SQSTM1: variants seen among roughly 807,000 people sequenced by gnomAD.
SQSTM1 encodes sequestosome-1.
Under a neutral mutation model 45.1 loss-of-function variants are expected in SQSTM1, and 36 were observed. The observed-to-expected ratio is 0.80, with a 90% CI of 0.61 to 1.05. SQSTM1 has a LOEUF of 1.05. SQSTM1 is among the 50% of genes least tolerant of loss of function. The probability of loss-of-function intolerance (pLI) is 0.00; values close to 1 mark genes in which losing one functional copy is unlikely to be tolerated. For missense variants in SQSTM1, 617 were observed against 607.1 expected (o/e 1.02, Z -0.17); for synonymous variants, 290 against 244.3 (o/e 1.19, Z -1.74).
At chr5:179,831,148 C>T (rs1053910455) in intron 5 of SQSTM1, among the ~76,000 whole-genome samples, 11 of 152,208 alleles carry the variant, frequency 7.2e-5, no homozygotes, top group African/African-American at 1.2e-4. Flanking sequence ...TATTAGGAAA[C>T]GGGGGACCTA....
chr5:179,830,604 G>A (rs1041468106), intron 5 of SQSTM1, among the ~76,000 whole-genome samples: 4 of 151,730 alleles, frequency 2.6e-5, no homozygotes, highest in Non-Finnish European at 4.4e-5. Flanking sequence ...TGTCGCCCAG[G>A]CTGGAGTGCA....
Position 179,821,070 on chromosome 5 carries a change from A to C in SQSTM1, c.134A>C (p.Glu45Ala). Reference sequence around the variant, plus strand: ...GCTGCGGCGGGTCCGGGACCCTGCGAGCGGCTGCTGAGCCGGGTGGCCGCC... The same window carrying C: ...GCTGCGGCGGGTCCGGGACCCTGCGCGCGGCTGCTGAGCCGGGTGGCCGCC... ...AEAAAGPGPC[E>A]RLLSRVAALF... The change falls in exon 1 of 8, where the codon GAG becomes GCG. Residue 45 changes from glutamate to alanine, a missense_variant. Glu to Ala is a moderately radical substitution (Grantham distance 107). Coordinates refer to ENST00000389805, the MANE Select transcript of SQSTM1 (RefSeq NM_003900.5). The C allele has an allele frequency of 6.7e-7, 1 of 1,486,552 alleles. No individual in the cohort carries two copies. The highest frequency in any genetic ancestry group is 8.9e-7 in the Non-Finnish European group (1 of 1,122,232). 92.1% of individuals were successfully genotyped at this position (1,486,552 alleles called of 1,614,324 possible).
upstream of SQSTM1, chr5:179,820,857 C>A (rs1582002563): frequency 7.7e-7 from 1 of 1,303,980 alleles, no homozygotes; most frequent in Non-Finnish European, 1.0e-6. Flanking sequence ...CGAGGCGGGG[C>A]GGGGCCTCCG....
chr5:179,814,281 CAG>C (rs1490514571), upstream of SQSTM1, among the ~76,000 whole-genome samples: 1 of 152,136 alleles, frequency 6.6e-6, no homozygotes, highest in Non-Finnish European at 1.5e-5. Context: ...AATGGAGGGT[CAG>C]AGGGGTAGGG....
Position 179,836,605 on chromosome 5 carries a change from C to T in SQSTM1, c.*12C>T, listed in dbSNP as rs1434726029. ...CCCCGCCGTTGTGACCACTTTTGCC[C>T]ACCTCTTCTGCGTGCCCCTCTTCTG... On this transcript the variant is annotated 3_prime_UTR_variant, in exon 8 of 8. Transcript: ENST00000389805. 3 of 1,614,086 alleles carry T rather than the reference C, an allele frequency of 1.9e-6. No homozygotes were observed. Among genetic ancestry groups the T allele is most frequent in the Non-Finnish European group, 2.5e-6 (3 of 1,180,028 alleles).
At chr5:179,824,995 A>C in intron 4 of SQSTM1, 151 bp from the exon 5 acceptor site, 4 of 719,976 alleles carry the variant, frequency 5.6e-6, no homozygotes, top group Non-Finnish European at 9.8e-6. Flanking sequence ...AGTGGGAGGA[A>C]GGAGAGGGGG....
chr5:179,813,903 G>GA (rs1757507179), upstream of SQSTM1, among the ~76,000 whole-genome samples: 2 of 152,170 alleles, frequency 1.3e-5, no homozygotes, highest in African/African-American at 4.8e-5. Context: ...CACAAAACTA[G>GA]CATATTATCT....
At chr5:179,832,313 C>T (rs946493518) in intron 5 of SQSTM1, among the ~76,000 whole-genome samples, 2 of 152,190 alleles carry the variant, frequency 1.3e-5, no homozygotes, top group African/African-American at 2.4e-5. Flanking sequence ...ACTTTTGACA[C>T]ATTTAATTTC....
chr5:179,816,597 G>C (rs1361397500), upstream of SQSTM1, among the ~76,000 whole-genome samples: 1 of 152,242 alleles, frequency 6.6e-6, no homozygotes, highest in East Asian at 1.9e-4. Context: ...GCTCTGTCTG[G>C]CGCTGGCGCT....
At chr5:179,828,369 C>CTTTTTTTTTTTTTTTTTTTTTTTTTCT (rs57483633) in intron 5 of SQSTM1, among the ~76,000 whole-genome samples, 1 of 98,300 alleles carries the variant, frequency 1.0e-5, no homozygotes, top group Non-Finnish European at 2.1e-5. Context: ...TTTTTCTTAT[C>CTTTTTTTTTTTTTTTTTTTTTTTTTCT]TTTTTTTTTT....
At position 179,824,289 on chromosome 5, in the gene SQSTM1, AG is replaced by A. The variant is rs1176530476; in HGVS notation, c.643del (p.Glu215ArgfsTer20). 6.2e-7 allele frequency: 1 copy of A among 1,613,662 alleles called. No individual in the cohort carries two copies. Among genetic ancestry groups the A allele is most frequent in the Non-Finnish European group, 8.5e-7 (1 of 1,180,052 alleles). ...GNWSPRPPRA[G>X]EARPGPTAES... ...ACTGGAGCCCACGTCCTCCTCGTGC[AG>A]GGGAGGCCCGCCCTGGCCCCACGGC... On this transcript the variant is annotated frameshift_variant, in exon 4 of 8. Coordinates refer to ENST00000389805, the MANE Select transcript of SQSTM1 (RefSeq NM_003900.5). LOFTEE classifies it high-confidence loss of function.
intron 5 of SQSTM1, among the ~76,000 whole-genome samples, chr5:179,830,707 G>A (rs1448133310): frequency 6.6e-6 from 1 of 151,912 alleles, no homozygotes; most frequent in African/African-American, 2.4e-5. Flanking sequence ...ACAGGCACCC[G>A]CCACCATGCC....
upstream of SQSTM1, chr5:179,820,085 AG>A (rs1562647524): frequency 6.5e-6 from 1 of 152,696 alleles, no homozygotes; most frequent in East Asian, 1.9e-4. Context: ...GGCATAAAGC[AG>A]TGTTTCTTCC....
chr5:179,836,269 C>A, intron 7 of SQSTM1, 167 bp from the exon 8 acceptor site: 1 of 866,500 alleles, frequency 1.2e-6, no homozygotes, highest in African/African-American at 1.6e-5. Flanking sequence ...ACTGCTTGGC[C>A]CTTTACAGGG....
At chr5:179,814,836 G>T (rs1340863323), upstream of SQSTM1, among the ~76,000 whole-genome samples, 1 of 151,702 alleles carries the variant, frequency 6.6e-6, no homozygotes, top group Admixed American at 6.6e-5. Flanking sequence ...CGGGAGGATC[G>T]CTTGAGCCCA....
At chr5:179,816,815 T>C (rs1757594372), upstream of SQSTM1, among the ~76,000 whole-genome samples, 1 of 152,090 alleles carries the variant, frequency 6.6e-6, no homozygotes, top group Non-Finnish European at 1.5e-5. Flanking sequence ...TTCAGGACCT[T>C]GCGCACTCAG....
chr5:179,829,114 A>G (rs1309156918), intron 5 of SQSTM1, among the ~76,000 whole-genome samples: 2 of 152,216 alleles, frequency 1.3e-5, no homozygotes, highest in African/African-American at 2.4e-5. Context: ...CTTGCCAACA[A>G]TTGAAGGAGA....
intron 5 of SQSTM1, among the ~76,000 whole-genome samples, chr5:179,828,369 C>CTTTTTTTTTTTTTTTTTTTTTTTTTATT (rs57483633): frequency 1.0e-5 from 1 of 98,300 alleles, no homozygotes; most frequent in Non-Finnish European, 2.1e-5. Context: ...TTTTTCTTAT[C>CTTTTTTTTTTTTTTTTTTTTTTTTTATT]TTTTTTTTTT....
intron 2 of SQSTM1, 184 bp from the exon 3 acceptor site, chr5:179,823,674 T>A: frequency 1.6e-6 from 1 of 631,746 alleles, no homozygotes; most frequent in Non-Finnish European, 2.7e-6. Flanking sequence ...ACACAGGGAC[T>A]GGGAACCTCC....
Sources: gnomAD v4.1 joint callset for allele counts (sites outside exome capture counted in the v4.1 genomes callset) on GRCh38, gnomAD v4.1.1 for gene constraint, MANE v1.5 for transcripts, NCBI Gene and HGNC (gene_info 2026-07-23, HGNC 2026-07-21) for gene names.